Variants in LUC7L3 observed in about 807,000 individuals in gnomAD.
LUC7L3 encodes the protein luc7-like protein 3.
A neutral mutation model predicts 66.8 loss-of-function variants in LUC7L3; 6 were observed. That is an observed-to-expected ratio of 0.09 (90% confidence interval 0.05 to 0.18). The LOEUF is 0.18. Among genes scored for constraint, LUC7L3 ranks in the 10% least tolerant of loss-of-function variants. The pLI is 1.00. For missense variants in LUC7L3, 341 were observed against 531.1 expected, an observed-to-expected ratio of 0.64 and a Z score of 3.52; for synonymous variants, 160 against 174.7, an observed-to-expected ratio of 0.92 and a Z score of 0.66.
chr17:50,737,237 A>G (rs1970038496), intron 2 of LUC7L3: 1 of 654,188 alleles, frequency 1.5e-6, no homozygotes, highest in Non-Finnish European at 2.8e-6. Flanking sequence ...ATACATGTCT[A>G]TTTCCACTCC....
intron 1 of LUC7L3, among the ~76,000 whole-genome samples, chr17:50,727,411 A>C (rs1364732693): frequency 1.3e-5 from 2 of 152,224 alleles, no homozygotes; most frequent in African/African-American, 4.8e-5. Flanking sequence ...CTAGAGTGCC[A>C]GGCTCTGTTC....
intron 2 of LUC7L3, among the ~76,000 whole-genome samples, chr17:50,739,524 G>A (rs971342728): frequency 2.0e-5 from 3 of 152,152 alleles, no homozygotes; most frequent in Non-Finnish European, 4.4e-5. Context: ...CATGGTGGTG[G>A]GTGCCTGTAA....
intron 2 of LUC7L3, among the ~76,000 whole-genome samples, chr17:50,738,997 C>T (rs145000095): frequency 2.6e-5 from 4 of 152,272 alleles, no homozygotes; most frequent in African/African-American, 7.2e-5. Context: ...GAAACATCCT[C>T]AGGGTGCTGA....
At chr17:50,727,824 G>T (rs1465665814) in intron 1 of LUC7L3, among the ~76,000 whole-genome samples, 1 of 152,106 alleles carries the variant, frequency 6.6e-6, no homozygotes, top group Non-Finnish European at 1.5e-5. Context: ...AGTTTTTATA[G>T]GCCGGGCGTG....
intron 1 of LUC7L3, among the ~76,000 whole-genome samples, chr17:50,725,718 A>C (rs1969136391): frequency 6.6e-6 from 1 of 152,154 alleles, no homozygotes; most frequent in Non-Finnish European, 1.5e-5. Flanking sequence ...AAAAAACTTG[A>C]AGACGAATCA....
At chr17:50,746,093 T>C (rs1261134144) in intron 8 of LUC7L3, 90 bp downstream of exon 8, 2 of 1,438,700 alleles carry the variant, frequency 1.4e-6, no homozygotes, top group African/African-American at 1.4e-5. Context: ...GAATGGTACT[T>C]GGGAAGCTCT....
intron 1 of LUC7L3, chr17:50,722,438 T>G (rs1368981589): frequency 2.0e-5 from 3 of 152,136 alleles, no homozygotes; most frequent in Non-Finnish European, 2.9e-5. Flanking sequence ...CCTCGTGATC[T>G]GCCCGCCTCG....
At chr17:50,723,169 A>C (rs1219799487) in intron 1 of LUC7L3, 1 of 152,222 alleles carries the variant, frequency 6.6e-6, no homozygotes, top group East Asian at 1.9e-4. Flanking sequence ...GAAATTTTGT[A>C]GTTCAAATTG....
At chr17:50,736,938 T>G (rs1194067291) in intron 1 of LUC7L3, 22 bp from the exon 2 acceptor site, 1 of 1,549,728 alleles carries the variant, frequency 6.5e-7, no homozygotes, top group East Asian at 2.3e-5. Context: ...ATTTTTTAAG[T>G]ACCTTTGTTT....
intron 1 of LUC7L3, among the ~76,000 whole-genome samples, chr17:50,725,434 T>C (rs1257112869): frequency 6.6e-6 from 1 of 151,934 alleles, no homozygotes; most frequent in Non-Finnish European, 1.5e-5. Flanking sequence ...AAAGTATTGC[T>C]CTTAGGTAGA....
At chr17:50,732,727 C>A (rs896594652) in intron 1 of LUC7L3, among the ~76,000 whole-genome samples, 1 of 152,058 alleles carries the variant, frequency 6.6e-6, no homozygotes, top group African/African-American at 2.4e-5. Flanking sequence ...AGAATTACGA[C>A]CTCTGGTTCT....
At position 50,754,608 on chromosome 17, in the gene LUC7L3, G is replaced by A. The variant is rs1169846995; in HGVS notation, c.*3947G>A. 3 of 152,194 alleles carry A rather than the reference G, an allele frequency of 2.0e-5. No individual in the cohort carries two copies. The highest frequency in any genetic ancestry group is 7.2e-5 in the African/African-American group (3 of 41,444). 9.4% of individuals were successfully genotyped at this position (152,194 alleles called of 1,614,324 possible). A position where few individuals can be genotyped will look rare whatever the true frequency, so the allele number is the denominator to read the frequency against. ...CTCAAGACATCCTCTCCTCTGGAAT[G>A]TAGAGATAATACATATCATGCTCCT... On this transcript the variant is annotated 3_prime_UTR_variant, in exon 10 of 10. Coordinates refer to ENST00000505658, the MANE Select transcript of LUC7L3 (RefSeq NM_016424.5).
At chr17:50,730,513 C>CAAAAAAAAAAAAAAAAAAAAAA (rs3063109) in intron 1 of LUC7L3, among the ~76,000 whole-genome samples, 20 of 59,086 alleles carry the variant, frequency 3.4e-4, no homozygotes, top group African/African-American at 5.3e-4. Flanking sequence ...ACTCTGTCTC[C>CAAAAAAAAAAAAAAAAAAAAAA]AAAAAAAAAA....
chr17:50,745,406 T>C (rs2146768147), intron 7 of LUC7L3, among the ~76,000 whole-genome samples: 1 of 152,388 alleles, frequency 6.6e-6, no homozygotes, highest in East Asian at 1.9e-4. Context: ...AATGGAGATA[T>C]GACCCTCTCA....
At chr17:50,742,759 TC>T (rs1473507106) in intron 5 of LUC7L3, among the ~76,000 whole-genome samples, 5 of 152,070 alleles carry the variant, frequency 3.3e-5, no homozygotes, top group African/African-American at 9.7e-5. Flanking sequence ...AGATTTACAC[TC>T]CAGTGTTCAT....
rs1237628222 is a variant in LUC7L3, at chr17:50,750,487, T to G, written c.1139-14T>G. 3 of 1,604,246 alleles carry G rather than the reference T, an allele frequency of 1.9e-6. No homozygotes were observed. In the Admixed American group the frequency reaches 5.2e-5, roughly 28 times the overall value. On this transcript the variant is annotated splice_polypyrimidine_tract_variant and intron_variant, in intron 9 of 9. Coordinates refer to ENST00000505658, the MANE Select transcript of LUC7L3 (RefSeq NM_016424.5). ...TACTTTAAAATCCATGGTCAATGTCTTCTTTTATGGCAGAAAAGAGGGGAT... is the reference window on the plus strand; with the variant it reads ...TACTTTAAAATCCATGGTCAATGTCGTCTTTTATGGCAGAAAAGAGGGGAT...
chr17:50,744,884 T>C, intron 7 of LUC7L3, 71 bp downstream of exon 7: 1 of 1,273,200 alleles, frequency 7.9e-7, no homozygotes. Flanking sequence ...CGATCTCAGC[T>C]CACTGCCACC....
chr17:50,726,447 G>A (rs1969190808), intron 1 of LUC7L3, among the ~76,000 whole-genome samples: 1 of 152,128 alleles, frequency 6.6e-6, no homozygotes, highest in Admixed American at 6.5e-5. Context: ...GCTGGGATTA[G>A]AGGTGTAAGC....
intron 5 of LUC7L3, 90 bp downstream of exon 5, chr17:50,741,821 ATG>A: frequency 1.0e-6 from 1 of 990,008 alleles, no homozygotes; most frequent in Non-Finnish European, 1.6e-6. Flanking sequence ...ATGGTAACTC[ATG>A]TGTATAATCC....
Sources: allele counts gnomAD v4.1 joint callset (sites outside exome capture counted in the v4.1 genomes callset), GRCh38; gene constraint gnomAD v4.1.1; transcripts MANE v1.5; gene names NCBI Gene and HGNC (gene_info 2026-07-23, HGNC 2026-07-21).